SLC8A1: variants seen among roughly 807,000 people sequenced by gnomAD.
The protein encoded by SLC8A1 is sodium/calcium exchanger 1.
In SLC8A1, 18 loss-of-function variants were observed where a neutral mutation model predicts 68.3. The ratio of observed to expected loss-of-function variants is 0.26; its 90% CI spans 0.18 to 0.39. The LOEUF (loss-of-function observed/expected upper bound fraction) is 0.39, where lower values mean the gene tolerates loss of function less well. Ranked by LOEUF, SLC8A1 falls within the 10% of genes least tolerant of loss-of-function variation. SLC8A1 has a pLI of 1.00. For synonymous variants in SLC8A1, 475 were observed against 415.5 expected (o/e 1.14, Z -1.74); for missense variants, 985 against 1,156.7 (o/e 0.85, Z 2.15).
intron 2 of SLC8A1, among the ~76,000 whole-genome samples, chr2:40,373,907 A>C (rs1003949195): frequency 6.6e-6 from 1 of 152,130 alleles, no homozygotes; most frequent in Non-Finnish European, 1.5e-5. Context: ...GATATCTTCC[A>C]AACAAGTGTG....
At chr2:40,428,846 T>C (rs1403065305) in exon 2 of SLC8A1, 1 of 1,613,822 alleles carries the variant, frequency 6.2e-7, no homozygotes, top group South Asian at 1.1e-5. Flanking sequence ...TCATCTATGA[T>C]ACCCACTCTG....
intron 7 of SLC8A1, among the ~76,000 whole-genome samples, chr2:40,129,934 C>T (rs2110925): frequency 0.18 from 27,045 of 152,044 alleles, 2,520 homozygotes; most frequent in Admixed American, 0.21. Context: ...AAAGGCTCTG[C>T]AGGACTTCAG....
chr2:40,147,008 C>CA (rs1381630626), intron 6 of SLC8A1, among the ~76,000 whole-genome samples: 18 of 152,112 alleles, frequency 1.2e-4, no homozygotes, highest in African/African-American at 4.3e-4. Flanking sequence ...AAATCATCCA[C>CA]AAAAAACAGA....
At chr2:40,424,269 T>C (rs1356284678) in intron 2 of SLC8A1, among the ~76,000 whole-genome samples, 2 of 151,840 alleles carry the variant, frequency 1.3e-5, no homozygotes, top group East Asian at 1.9e-4. Context: ...TTTCACCTTG[T>C]TTACATCTGG....
intron 2 of SLC8A1, among the ~76,000 whole-genome samples, chr2:40,313,451 A>G (rs1193581776): frequency 6.6e-6 from 1 of 152,048 alleles, no homozygotes; most frequent in Non-Finnish European, 1.5e-5. Context: ...GGATTATATG[A>G]TAAGTGTATG....
intron 2 of SLC8A1, among the ~76,000 whole-genome samples, chr2:40,240,585 G>A (rs1013025222): frequency 3.3e-5 from 5 of 152,218 alleles, no homozygotes; most frequent in Non-Finnish European, 5.9e-5. Context: ...ACATGAATGT[G>A]CATTTATGAA....
intron 1 of SLC8A1, among the ~76,000 whole-genome samples, chr2:40,490,618 G>T (rs1397372923): frequency 3.9e-5 from 6 of 152,060 alleles, no homozygotes; most frequent in African/African-American, 1.4e-4. Flanking sequence ...ACATCATAAT[G>T]TTTTTAGATG....
chr2:40,178,372 G>A lies in SLC8A1; in HGVS notation c.1809-517C>T, dbSNP rs1189896846. On this transcript the variant is annotated intron_variant, in intron 2 of 7. Coordinates refer to ENST00000406785, the Ensembl canonical transcript of SLC8A1. ...GCAGAAGCTGTTGGGCTCAGCCCTG[G>A]AGCAGCTCCCCCACCTTTCTTCTCA... The A allele has an allele frequency of 6.2e-7, 1 of 1,605,970 alleles. No individual in the cohort carries two copies.
intron 2 of SLC8A1, among the ~76,000 whole-genome samples, chr2:40,371,696 C>T (rs2149512135): frequency 6.6e-6 from 1 of 152,180 alleles, no homozygotes; most frequent in South Asian, 2.1e-4. Context: ...AAAGAGGAAA[C>T]AAGAGAGAAC....
chr2:40,492,957 A>T (rs937428693), intron 1 of SLC8A1, among the ~76,000 whole-genome samples: 3 of 152,156 alleles, frequency 2.0e-5, no homozygotes, highest in Non-Finnish European at 2.9e-5. Flanking sequence ...GGGATCTAGA[A>T]CTAGAAATAC....
At chr2:40,231,005 A>G (rs77767823) in intron 2 of SLC8A1, among the ~76,000 whole-genome samples, 29 of 152,290 alleles carry the variant, frequency 1.9e-4, no homozygotes, top group African/African-American at 6.7e-4. Flanking sequence ...GTAAGTTGGA[A>G]ATGAAGCCCA....
At chr2:40,232,736 G>A (rs1445321913) in intron 2 of SLC8A1, among the ~76,000 whole-genome samples, 1 of 65,660 alleles carries the variant, frequency 1.5e-5, no homozygotes, top group East Asian at 2.3e-4. Context: ...ATCTCCCAGT[G>A]CTATCCCTCC....
intron 2 of SLC8A1, among the ~76,000 whole-genome samples, chr2:40,239,182 A>G (rs2060866862): frequency 6.6e-6 from 1 of 152,220 alleles, no homozygotes; most frequent in Non-Finnish European, 1.5e-5. Flanking sequence ...TCAATCATGC[A>G]AAAAGGGGCA....
chr2:40,467,862 A>T (rs148394099), intron 1 of SLC8A1, among the ~76,000 whole-genome samples: 2 of 152,298 alleles, frequency 1.3e-5, no homozygotes, highest in East Asian at 1.9e-4. Flanking sequence ...TTTGACAACA[A>T]AGTTGGAGTA....
chr2:40,152,300 C>A (rs2043584211), intron 6 of SLC8A1, among the ~76,000 whole-genome samples: 1 of 152,098 alleles, frequency 6.6e-6, no homozygotes. Flanking sequence ...TGTTTATGTG[C>A]AATGAATACA....
intron 1 of SLC8A1, among the ~76,000 whole-genome samples, chr2:40,490,356 T>C (rs1245490040): frequency 6.6e-6 from 1 of 152,180 alleles, no homozygotes; most frequent in Non-Finnish European, 1.5e-5. Flanking sequence ...AGAATAATTT[T>C]GTCATATAGC....
chr2:40,292,344 T>C (rs1361943114), intron 2 of SLC8A1, among the ~76,000 whole-genome samples: 1 of 152,166 alleles, frequency 6.6e-6, no homozygotes, highest in Admixed American at 6.6e-5. Context: ...CCCTGCCTCA[T>C]AATTTGATGG....
chr2:40,378,910 C>T (rs560268493), intron 2 of SLC8A1, among the ~76,000 whole-genome samples: 1 of 152,190 alleles, frequency 6.6e-6, no homozygotes, highest in Admixed American at 6.5e-5. Context: ...AACACTCTAT[C>T]TCCTTCTCCT....
At position 40,164,940 on chromosome 2, in the gene SLC8A1, C is replaced by T. The variant is rs749273481; in HGVS notation, c.1975G>A (p.Glu659Lys). ...CGCCCCATTTCTGCAATGCGCCTCT[C>T]CTCTTCCTCTTTGCTGGTCAGTGGC... Residue 659 changes from glutamate to lysine, a missense_variant, in exon 5 of 8, where the codon GAG becomes AAG. This residue lies in a region of SLC8A1 where 584 missense variants were observed against 565.9 expected (regional missense o/e 1.03). Coordinates refer to ENST00000406785, the Ensembl canonical transcript of SLC8A1. The T allele has an allele frequency of 1.9e-6, 3 of 1,614,012 alleles. No homozygotes were observed. Among genetic ancestry groups the T allele is most frequent in the South Asian group, 2.2e-5 (2 of 91,084 alleles).
Sources: allele counts gnomAD v4.1 joint callset (sites outside exome capture counted in the v4.1 genomes callset), GRCh38; gene constraint gnomAD v4.1.1; regional missense constraint gnomAD v4.1.1; transcripts MANE v1.5; gene names NCBI Gene and HGNC (gene_info 2026-07-23, HGNC 2026-07-21).